Variants in CACNA1D observed in about 807,000 individuals in gnomAD.
CACNA1D encodes voltage-dependent L-type calcium channel subunit alpha-1D.
In CACNA1D, 55 loss-of-function variants were observed where a neutral mutation model predicts 257.1. That is an observed-to-expected ratio of 0.21 (90% confidence interval 0.17 to 0.27). The LOEUF (loss-of-function observed/expected upper bound fraction) is 0.27. Ranked by LOEUF, CACNA1D falls within the 10% of genes least tolerant of loss-of-function variation. CACNA1D has a pLI of 1.00. For missense variants in CACNA1D, 1,876 were observed against 2,784.0 expected (o/e 0.67, Z 7.34); for synonymous variants, 980 against 1,014.9 (o/e 0.97, Z 0.65).
In CACNA1D at chr3:53,801,141, C is replaced by T. The variant is rs187732222; in HGVS notation, c.5124C>T (p.His1708=). 4 of 1,613,970 alleles carry T rather than the reference C, an allele frequency of 2.5e-6. No individual in the cohort carries two copies. In the South Asian group the frequency reaches 4.4e-5, roughly 18 times the overall value. Residue 1708 remains histidine (H), a synonymous_variant, in exon 42 of 48, where the codon CAC becomes CAT. Transcript: ENST00000350061. ...RDSLQQTNTT[H]RPLHVQRPSI... ...CCCTTCAGCAGACCAATACCACCCACCGTCCCCTGCATGTCCAAAGGCCTT... is the reference window on the plus strand; with the variant it reads ...CCCTTCAGCAGACCAATACCACCCATCGTCCCCTGCATGTCCAAAGGCCTT...
intron 3 of CACNA1D, among the ~76,000 whole-genome samples, chr3:53,572,646 C>T (rs931272531): frequency 2.6e-5 from 4 of 152,110 alleles, no homozygotes; most frequent in East Asian, 1.9e-4. Context: ...GTGATCCACC[C>T]GCATTGGCCT....
intron 3 of CACNA1D, among the ~76,000 whole-genome samples, chr3:53,594,398 C>A (rs2093345346): frequency 6.6e-6 from 1 of 152,158 alleles, no homozygotes; most frequent in Non-Finnish European, 1.5e-5. Context: ...CCAATTCAGT[C>A]CCTTCAGCAA....
rs925959837 is a variant in CACNA1D, at chr3:53,735,399, A to G, written c.2647A>G (p.Ile883Val). Residue 883 changes from isoleucine to valine, a missense_variant, in exon 20 of 48, where the codon ATC becomes GTC. Transcript: ENST00000350061. ...NPIRVGCHKL[I>V]NHHIFTNLIL... Reference sequence around the variant, plus strand: ...GATCCGCGTAGGCTGCCACAAGCTCATCAACCACCACATCTTCACCAACCT... The same window carrying G: ...GATCCGCGTAGGCTGCCACAAGCTCGTCAACCACCACATCTTCACCAACCT... The G allele has an allele frequency of 9.3e-6, 15 of 1,613,816 alleles. No homozygotes were observed. Among genetic ancestry groups the G allele is most frequent in the Middle Eastern group, 1.6e-4 (1 of 6,084 alleles).
intron 3 of CACNA1D, among the ~76,000 whole-genome samples, chr3:53,596,839 T>C (rs904071487): frequency 3.9e-5 from 6 of 152,236 alleles, no homozygotes; most frequent in Non-Finnish European, 7.3e-5. Flanking sequence ...TACTAAATTA[T>C]AGTAACTTGT....
At position 53,751,637 on chromosome 3, in the gene CACNA1D, A is replaced by G. The variant is rs1687603887; in HGVS notation, c.3517-112A>G. ...CTCGTAATCATTTTCACCATCGTCC[A>G]CGGCCCCTTCCCGGGAGCTGTAGGG... is the stretch of plus-strand genomic sequence containing the variant. On this transcript the variant is annotated intron_variant, in intron 27 of 47. Transcript: ENST00000350061. The surrounding 1 kb of genome is among the most constrained non-coding windows in gnomAD (Gnocchi z 4.3). 1 of 1,074,676 alleles carries G rather than the reference A, an allele frequency of 9.3e-7. No homozygotes were observed. The highest frequency in any genetic ancestry group is 1.6e-5 in the African/African-American group (1 of 64,364). 66.6% of individuals were successfully genotyped at this position (1,074,676 alleles called of 1,614,324 possible).
intron 10 of CACNA1D, chr3:53,718,893 A>G (rs765196986): frequency 2.3e-5 from 16 of 695,546 alleles, no homozygotes; most frequent in Non-Finnish European, 3.9e-5. Context: ...CGGTTGGATG[A>G]CGAGGCCCTG....
chr3:53,776,550 C>A, intron 35 of CACNA1D, 53 bp from the exon 36 acceptor site: 1 of 1,611,804 alleles, frequency 6.2e-7, no homozygotes, highest in African/African-American at 1.3e-5. Context: ...GTGCTCAGTT[C>A]TAACGCAATC....
At chr3:53,801,600 T>C (rs1280818193) in intron 42 of CACNA1D, among the ~76,000 whole-genome samples, 175 bp downstream of exon 42, 2 of 152,150 alleles carry the variant, frequency 1.3e-5, no homozygotes, top group African/African-American at 4.8e-5. Flanking sequence ...TCTGACACTC[T>C]CCACGTGATG....
intron 3 of CACNA1D, among the ~76,000 whole-genome samples, chr3:53,540,189 G>A (rs1266976631): frequency 1.3e-5 from 2 of 151,842 alleles, no homozygotes; most frequent in Non-Finnish European, 2.9e-5. Context: ...CATGATCTGA[G>A]CTCACTGTAA....
rs2095579314 is a variant in CACNA1D at position 53,808,576 on chromosome 3, AC to A, written c.5750-70del. On this transcript the variant is annotated intron_variant, in intron 45 of 47. Transcript: ENST00000350061. ...GGCTCGTTGCTGAGCATCCGGGGCC[AC>A]CCTGACTCTGAAAGACGGTGTCCCG... 2.5e-6 allele frequency: 4 copies of A among 1,590,226 alleles called. No individual in the cohort carries two copies. The Admixed American group carries it at 6.7e-5, about 27-fold the overall frequency.
chr3:53,499,116 G>C (rs938821623), intron 2 of CACNA1D, among the ~76,000 whole-genome samples: 2 of 151,952 alleles, frequency 1.3e-5, no homozygotes, highest in African/African-American at 2.4e-5. Context: ...GCCTGATGCT[G>C]TTTCTCTTTG....
At chr3:53,735,836 CT>C (rs1213811196) in intron 20 of CACNA1D, among the ~76,000 whole-genome samples, 1 of 152,224 alleles carries the variant, frequency 6.6e-6, no homozygotes, top group Non-Finnish European at 1.5e-5. Context: ...ACACTCACCC[CT>C]GTTTTGAGAT....
At chr3:53,631,476 C>T (rs1048536639) in intron 3 of CACNA1D, among the ~76,000 whole-genome samples, 16 of 152,314 alleles carry the variant, frequency 1.1e-4, no homozygotes, top group Admixed American at 9.8e-4. Flanking sequence ...ACAGTTGCTT[C>T]CTCTACTGAG....
intron 3 of CACNA1D, among the ~76,000 whole-genome samples, chr3:53,625,648 T>C (rs576836974): frequency 1.5e-4 from 23 of 152,320 alleles, no homozygotes; most frequent in African/African-American, 5.5e-4. Flanking sequence ...ATGTGTTCAT[T>C]TATTGTTTTA....
At chr3:53,729,240 T>C (rs910219953) in intron 15 of CACNA1D, among the ~76,000 whole-genome samples, 1 of 152,240 alleles carries the variant, frequency 6.6e-6, no homozygotes. Flanking sequence ...TGAGTCTTAA[T>C]GTAATTCACT....
chr3:53,536,354 CT>C (rs140028759), intron 3 of CACNA1D, among the ~76,000 whole-genome samples: 21 of 148,934 alleles, frequency 1.4e-4, no homozygotes, highest in East Asian at 2.0e-4. Context: ...TGACCATTTA[CT>C]TTTTTTTTTA....
intron 1 of CACNA1D, among the ~76,000 whole-genome samples, chr3:53,496,176 C>A (rs1429744561): frequency 1.3e-5 from 2 of 152,254 alleles, no homozygotes; most frequent in Non-Finnish European, 2.9e-5. Context: ...ACCTTGCTGT[C>A]ACCTCTCTCA....
intron 3 of CACNA1D, among the ~76,000 whole-genome samples, chr3:53,568,319 C>A (rs767447988): frequency 1.2e-4 from 19 of 152,168 alleles, no homozygotes; most frequent in Non-Finnish European, 1.2e-4. Context: ...GGCATTGATG[C>A]TACATTCAGG....
At chr3:53,674,830 T>C (rs965962041) in intron 8 of CACNA1D, among the ~76,000 whole-genome samples, 1 of 152,228 alleles carries the variant, frequency 6.6e-6, no homozygotes, top group Non-Finnish European at 1.5e-5. Context: ...CCTCTGTCAC[T>C]GCGCTGCGCC....
Sources: gnomAD v4.1 joint callset for allele counts (sites outside exome capture counted in the v4.1 genomes callset) on GRCh38, gnomAD v4.1.1 for gene constraint, Gnocchi (gnomAD v3.1) non-coding constraint, MANE v1.5 for transcripts, NCBI Gene and HGNC (gene_info 2026-07-23, HGNC 2026-07-21) for gene names.